HAT1: variants seen among roughly 807,000 people sequenced by gnomAD.
HAT1 encodes histone acetyltransferase type B catalytic subunit.
A neutral mutation model predicts 56.6 loss-of-function variants in HAT1; 20 were observed. The ratio of observed to expected loss-of-function variants is 0.35; its 90% CI spans 0.25 to 0.51. HAT1 has a LOEUF of 0.51. HAT1 is among the 20% of genes least tolerant of loss of function. The pLI is 0.95. For synonymous variants in HAT1, 146 were observed against 165.5 expected (o/e 0.88, Z 0.91); for missense variants, 408 against 504.3 (o/e 0.81, Z 1.83).
intron 2 of HAT1, among the ~76,000 whole-genome samples, chr2:171,931,674 G>C (rs549270887): frequency 1.3e-5 from 2 of 152,082 alleles, no homozygotes; most frequent in South Asian, 2.1e-4. Context: ...ACTGTGTCTC[G>C]GGGGGGAAAA....
chr2:171,964,256 T>G (rs2105334159), intron 4 of HAT1, among the ~76,000 whole-genome samples: 1 of 152,330 alleles, frequency 6.6e-6, no homozygotes, highest in Non-Finnish European at 1.5e-5. Context: ...GGTTTAGAAC[T>G]AATACCCATC....
At chr2:171,970,458 C>T (rs1280743029) in intron 8 of HAT1, among the ~76,000 whole-genome samples, 3 of 145,950 alleles carry the variant, frequency 2.1e-5, no homozygotes, top group Non-Finnish European at 4.5e-5. Flanking sequence ...CACACATACA[C>T]TAAATGTTAG....
chr2:171,938,265 A>G (rs1332221177), intron 2 of HAT1, among the ~76,000 whole-genome samples: 2 of 152,080 alleles, frequency 1.3e-5, no homozygotes, highest in Non-Finnish European at 2.9e-5. Flanking sequence ...AATATATTCA[A>G]AAGGAAGAAT....
intron 4 of HAT1, among the ~76,000 whole-genome samples, chr2:171,963,729 A>AGCT (rs1687626702): frequency 6.6e-6 from 1 of 152,174 alleles, no homozygotes; most frequent in Non-Finnish European, 1.5e-5. Context: ...TCATTATGAC[A>AGCT]GTTTCCTTGA....
At chr2:171,925,984 G>A (rs1686579770) in intron 2 of HAT1, among the ~76,000 whole-genome samples, 1 of 152,128 alleles carries the variant, frequency 6.6e-6, no homozygotes, top group Admixed American at 6.6e-5. Flanking sequence ...AAAAACACTT[G>A]TATATTGCTG....
chr2:171,934,234 T>G (rs192075021), intron 2 of HAT1, among the ~76,000 whole-genome samples: 137 of 152,346 alleles, frequency 9.0e-4, no homozygotes, highest in Non-Finnish European at 1.5e-3. Flanking sequence ...AACAGCATGT[T>G]TATATGCTGA....
chr2:171,972,212 TTG>T (rs1162823606), intron 8 of HAT1, among the ~76,000 whole-genome samples: 2 of 99,706 alleles, frequency 2.0e-5, no homozygotes, highest in Admixed American at 9.4e-5. Flanking sequence ...GGTTTTTCTT[TTG>T]TTTTTTTTTT....
chr2:171,969,391 T>C (rs1296934209), intron 8 of HAT1, among the ~76,000 whole-genome samples: 1 of 152,208 alleles, frequency 6.6e-6, no homozygotes, highest in Admixed American at 6.5e-5. Flanking sequence ...TTCCCTTCTT[T>C]AGAATATGAT....
intron 2 of HAT1, among the ~76,000 whole-genome samples, chr2:171,930,917 A>G (rs1686729543): frequency 6.6e-6 from 1 of 151,992 alleles, no homozygotes; most frequent in Admixed American, 6.6e-5. Flanking sequence ...ACCCAGCTAT[A>G]GGATTTTTTT....
chr2:171,962,003 T>C (rs1331263763), intron 4 of HAT1, among the ~76,000 whole-genome samples: 1 of 152,058 alleles, frequency 6.6e-6, no homozygotes, highest in East Asian at 1.9e-4. Context: ...GTGCCTTTAA[T>C]TTCAATCTCA....
At chr2:171,931,371 A>G (rs1686740916) in intron 2 of HAT1, among the ~76,000 whole-genome samples, 1 of 151,960 alleles carries the variant, frequency 6.6e-6, no homozygotes, top group African/African-American at 2.4e-5. Flanking sequence ...TGTGAGTGAC[A>G]GAGTGAGACC....
intron 9 of HAT1, among the ~76,000 whole-genome samples, chr2:171,977,040 C>T (rs1687983191): frequency 6.6e-6 from 1 of 152,076 alleles, no homozygotes; most frequent in African/African-American, 2.4e-5. Context: ...GTCATGGTGG[C>T]ATGCGCCTGT....
Position 171,928,075 on chromosome 2 carries a change from C to T in HAT1, c.112+2434C>T, listed in dbSNP as rs181935070. ...CTGATTTTTGTATTTTTAGTAGAGA[C>T]GGTTTCATCATGTTGGCCAGACTGG... On this transcript the variant is annotated intron_variant, in intron 2 of 10. Transcript: ENST00000264108. 7.9e-4 allele frequency among the ~76,000 whole-genome samples: 120 copies of T among 151,832 alleles called. 1 individual carries two copies. The highest frequency in any genetic ancestry group is 2.7e-3 in the African/African-American group (111 of 41,398).
chr2:171,966,054 A>G (rs1329183208), intron 6 of HAT1, 146 bp downstream of exon 6: 13 of 729,078 alleles, frequency 1.8e-5, no homozygotes, highest in Non-Finnish European at 2.7e-5. Flanking sequence ...GTTTTCCTTC[A>G]TTATGCTTTG....
At chr2:171,973,804 TC>T (rs1687879027) in intron 8 of HAT1, among the ~76,000 whole-genome samples, 1 of 152,106 alleles carries the variant, frequency 6.6e-6, no homozygotes, top group African/African-American at 2.4e-5. Context: ...AAATATTGCC[TC>T]CCACAAAATC....
intron 2 of HAT1, among the ~76,000 whole-genome samples, chr2:171,935,552 T>C (rs566482067): frequency 6.6e-6 from 1 of 150,464 alleles, no homozygotes; most frequent in Admixed American, 6.6e-5. Flanking sequence ...AAAATTCATT[T>C]TAAGTCTTGG....
chr2:171,931,843 C>G (rs1686756990), intron 2 of HAT1, among the ~76,000 whole-genome samples: 1 of 152,194 alleles, frequency 6.6e-6, no homozygotes, highest in Non-Finnish European at 1.5e-5. Context: ...CTGCACTGGC[C>G]AGAACCTCTA....
chr2:171,927,971 C>A (rs541657374), intron 2 of HAT1, among the ~76,000 whole-genome samples: 1 of 152,290 alleles, frequency 6.6e-6, no homozygotes, highest in Admixed American at 6.5e-5. Context: ...ACTGAAACCT[C>A]TGCCTCCTGG....
chr2:171,961,397 T>C (rs983792764), intron 4 of HAT1, among the ~76,000 whole-genome samples: 9 of 152,206 alleles, frequency 5.9e-5, no homozygotes, highest in African/African-American at 2.2e-4. Flanking sequence ...TGCTAATTGC[T>C]AGCATTTCTG....
Sources: allele counts gnomAD v4.1 joint callset (sites outside exome capture counted in the v4.1 genomes callset), GRCh38; gene constraint gnomAD v4.1.1; transcripts MANE v1.5; gene names NCBI Gene and HGNC (gene_info 2026-07-23, HGNC 2026-07-21).